The following B4GALT5 variants were observed in gnomAD, a reference collection of about 807,000 sequenced individuals.
The protein encoded by B4GALT5 is UDP-Gal:beta-GlcNAc beta-1,4-galactosyltransferase 5.
Under a neutral mutation model 45.0 loss-of-function variants are expected in B4GALT5, and 11 were observed. The ratio of observed to expected loss-of-function variants is 0.24; its 90% confidence interval spans 0.15 to 0.40. The LOEUF is 0.40. Ranked by LOEUF, B4GALT5 falls within the 10% of genes least tolerant of loss-of-function variation. The pLI, the probability that B4GALT5 is intolerant of heterozygous loss-of-function variation, is 1.00. For synonymous variants in B4GALT5, 185 were observed against 182.9 expected (o/e 1.01, Z -0.09); for missense variants, 337 against 500.2 (o/e 0.67, Z 3.11).
rs150623069 is a variant in B4GALT5 at position 49,681,076 on chromosome 20, C to T, written c.116-24374G>A. 1.4e-4 allele frequency among the ~76,000 whole-genome samples: 21 copies of T among 151,842 alleles called. No homozygotes were observed. The East Asian group carries it at 3.5e-3, about 25-fold the overall frequency. On this transcript the variant is annotated intron_variant, in intron 1 of 8. Transcript: ENST00000371711. The stretch of plus-strand genomic sequence containing the variant: ...TTTCTACCAAAAACAATTAGCCAGG[C>T]GTGGTGGCATGCATCTGTTGTCCCA...
At chr20:49,671,329 C>G (rs2085714994) in intron 1 of B4GALT5, among the ~76,000 whole-genome samples, 1 of 152,180 alleles carries the variant, frequency 6.6e-6, no homozygotes, top group Admixed American at 6.5e-5. Flanking sequence ...GAGTTGAAAT[C>G]ATGCCACTAC....
intron 1 of B4GALT5, among the ~76,000 whole-genome samples, chr20:49,692,266 C>G (rs1050500885): frequency 1.3e-5 from 2 of 151,414 alleles, no homozygotes; most frequent in African/African-American, 2.4e-5. Context: ...AGAAAACATC[C>G]CAGCCTGGGC....
intron 1 of B4GALT5, among the ~76,000 whole-genome samples, chr20:49,690,327 C>A (rs1056571496): frequency 6.6e-6 from 1 of 152,032 alleles, no homozygotes; most frequent in Non-Finnish European, 1.5e-5. Context: ...TTTTAACCCA[C>A]GGCACTTTGA....
chr20:49,704,617 G>A (rs1455400661), intron 1 of B4GALT5, among the ~76,000 whole-genome samples: 1 of 151,078 alleles, frequency 6.6e-6, no homozygotes, highest in African/African-American at 2.4e-5. Flanking sequence ...TACTTGGGAG[G>A]CTGAGGCAGG....
chr20:49,686,319 C>T (rs1479128913), intron 1 of B4GALT5, among the ~76,000 whole-genome samples: 1 of 152,050 alleles, frequency 6.6e-6, no homozygotes, highest in African/African-American at 2.4e-5. Flanking sequence ...TGGTTTGCTC[C>T]TGTCAGTTTT....
At chr20:49,653,382 T>C (rs2085630036) in intron 2 of B4GALT5, among the ~76,000 whole-genome samples, 1 of 152,234 alleles carries the variant, frequency 6.6e-6, no homozygotes, top group Non-Finnish European at 1.5e-5. Flanking sequence ...CTTAGAAACA[T>C]GCTACAACAC....
intron 4 of B4GALT5, 40 bp downstream of exon 4, chr20:49,643,486 G>A (rs1367714049): frequency 1.2e-6 from 2 of 1,609,374 alleles, no homozygotes; most frequent in South Asian, 2.2e-5. Context: ...CAAACCCCAG[G>A]TGGGCTTCTC....
chr20:49,662,022 C>T (rs944004508), intron 1 of B4GALT5, among the ~76,000 whole-genome samples: 3 of 152,078 alleles, frequency 2.0e-5, no homozygotes, highest in African/African-American at 4.8e-5. Flanking sequence ...GGACAGCTTC[C>T]GGGGGCGAAG....
intron 1 of B4GALT5, among the ~76,000 whole-genome samples, chr20:49,664,461 CACACACACACTTTAGATTCTTCAGGCTG>C (rs2044770349): frequency 6.8e-6 from 1 of 148,138 alleles, no homozygotes; most frequent in African/African-American, 2.5e-5. Flanking sequence ...CACACACACA[CACACACACACTTTAGATTCTTCAGGCTG>C]AAAGAACATA....
chr20:49,653,287 GTA>G (rs2085629616), intron 2 of B4GALT5, among the ~76,000 whole-genome samples: 1 of 152,248 alleles, frequency 6.6e-6, no homozygotes, highest in African/African-American at 2.4e-5. Flanking sequence ...TCTGGAGTTG[GTA>G]TTTTCTGATT....
chr20:49,649,217 CAGT>C (rs1455876105), intron 2 of B4GALT5, among the ~76,000 whole-genome samples: 1 of 152,174 alleles, frequency 6.6e-6, no homozygotes, highest in Non-Finnish European at 1.5e-5. Flanking sequence ...CTGTCCTTTT[CAGT>C]AGTAGCTTTC....
chr20:49,688,807 C>T (rs1327828875), intron 1 of B4GALT5, among the ~76,000 whole-genome samples: 2 of 151,810 alleles, frequency 1.3e-5, no homozygotes, highest in African/African-American at 4.8e-5. Flanking sequence ...CTTGGTGGCG[C>T]GTGCCTGTAA....
chr20:49,681,286 C>G lies in B4GALT5; in HGVS notation c.116-24584G>C, dbSNP rs112521921. 3.4e-3 allele frequency among the ~76,000 whole-genome samples: 505 copies of G among 148,166 alleles called. 1 individual carries two copies. Among genetic ancestry groups the G allele is most frequent in the African/African-American group, 0.012 (481 of 39,884 alleles). ...TAAATAATAAACTTAGCCGGAAGGA[C>G]ACTGAGGTTCTGTATTTAAAATTCA... On this transcript the variant is annotated intron_variant, in intron 1 of 8. Coordinates refer to ENST00000371711, the MANE Select transcript of B4GALT5 (RefSeq NM_004776.4).
At chr20:49,639,542 TCC>T in intron 7 of B4GALT5, 134 bp downstream of exon 7, 6 of 1,344,374 alleles carry the variant, frequency 4.5e-6, no homozygotes, top group Admixed American at 4.9e-5. Flanking sequence ...TTCATTTTTT[TCC>T]TTAACCTTTT....
intron 1 of B4GALT5, among the ~76,000 whole-genome samples, chr20:49,711,386 A>G (rs2085910996): frequency 1.3e-5 from 2 of 152,222 alleles, no homozygotes; most frequent in African/African-American, 4.8e-5. Flanking sequence ...CTGTTGAAGA[A>G]TCTGGCTTCT....
intron 5 of B4GALT5, 23 bp downstream of exon 5, chr20:49,642,445 A>G (rs1322659872): frequency 6.5e-7 from 1 of 1,541,384 alleles, no homozygotes; most frequent in Non-Finnish European, 8.9e-7. Context: ...AGAAAAAAGA[A>G]AGGAAAAGAA....
intron 1 of B4GALT5, 113 bp from the exon 2 acceptor site, chr20:49,656,815 G>T: frequency 7.2e-7 from 1 of 1,386,500 alleles, no homozygotes; most frequent in Non-Finnish European, 9.9e-7. Context: ...GCCTCTTTTA[G>T]TTCTTTTAAA....
chr20:49,695,599 T>TG (rs2085836402), intron 1 of B4GALT5, among the ~76,000 whole-genome samples: 1 of 151,994 alleles, frequency 6.6e-6, no homozygotes, highest in Non-Finnish European at 1.5e-5. Context: ...TTAGTAGAGA[T>TG]GGGGTTTCAC....
rs140304264 is a variant in B4GALT5, at chr20:49,690,192, G to C, written c.115+23384C>G. On this transcript the variant is annotated intron_variant, in intron 1 of 8. Coordinates refer to ENST00000371711, the MANE Select transcript of B4GALT5 (RefSeq NM_004776.4). ...CTACTTCTTTTGTATTTTTAGTAGA[G>C]ACAGGGTTTCGCCATGTTGGTCAGG... 4.1e-3 allele frequency among the ~76,000 whole-genome samples: 624 copies of C among 152,200 alleles called. 14 individuals carry two copies. Among genetic ancestry groups the C allele is most frequent in the East Asian group, 0.036 (185 of 5,152 alleles).
Sources: allele counts gnomAD v4.1 joint callset (sites outside exome capture counted in the v4.1 genomes callset), GRCh38; gene constraint gnomAD v4.1.1; transcripts MANE v1.5; gene names NCBI Gene and HGNC (gene_info 2026-07-23, HGNC 2026-07-21).